Variants in SCFD2 observed in about 807,000 individuals in gnomAD.
SCFD2 encodes sec1 family domain-containing protein 2.
In SCFD2, 54 loss-of-function variants were observed where a neutral mutation model predicts 58.9. The ratio of observed to expected loss-of-function variants is 0.92; its 90% CI spans 0.74 to 1.15. The LOEUF is 1.15. Among genes scored for constraint, SCFD2 ranks in the 50% most tolerant of loss-of-function variants. The pLI is 0.00. For missense variants in SCFD2, 805 were observed against 836.6 expected (o/e 0.96, Z 0.47); for synonymous variants, 321 against 335.9 (o/e 0.96, Z 0.49).
intron 5 of SCFD2, among the ~76,000 whole-genome samples, chr4:52,974,750 C>T (rs1416159658): frequency 3.9e-5 from 6 of 152,010 alleles, no homozygotes; most frequent in Non-Finnish European, 8.8e-5. Flanking sequence ...GGAGGCATCA[C>T]ACTACCTGAC....
In SCFD2 at chr4:53,092,187, T is replaced by C. The variant is rs116344498; in HGVS notation, c.1561+53146A>G. 3.5e-3 allele frequency among the ~76,000 whole-genome samples: 540 copies of C among 152,304 alleles called. 1 individual carries two copies. Among genetic ancestry groups the C allele is most frequent in the African/African-American group, 0.013 (520 of 41,572 alleles). ...GGCCAAGCCTTGTGCTAGAAGCATA[T>C]ATACAGGACAAAATGACATAGTCTG... is the stretch of plus-strand genomic sequence containing the variant. On this transcript the variant is annotated intron_variant, in intron 5 of 8. Coordinates refer to ENST00000401642, the MANE Select transcript of SCFD2 (RefSeq NM_152540.4).
At chr4:53,164,804 A>AG (rs1553882341) in intron 4 of SCFD2, among the ~76,000 whole-genome samples, 51 of 143,918 alleles carry the variant, frequency 3.5e-4, no homozygotes, top group South Asian at 4.6e-4. Flanking sequence ...AAAAAAAAAA[A>AG]AAGAAGAAGA....
chr4:53,152,023 C>T (rs1726523110), intron 4 of SCFD2, among the ~76,000 whole-genome samples: 1 of 152,158 alleles, frequency 6.6e-6, no homozygotes, highest in Admixed American at 6.5e-5. Context: ...GAGGGATCTA[C>T]CCCCATAACC....
chr4:53,120,221 TAAAA>T (rs1223468108), intron 5 of SCFD2, among the ~76,000 whole-genome samples: 2 of 152,110 alleles, frequency 1.3e-5, no homozygotes, highest in African/African-American at 2.4e-5. Context: ...AAAACTAAAT[TAAAA>T]AAAGTTCTTA....
chr4:53,034,047 C>T (rs1363930987), intron 5 of SCFD2, among the ~76,000 whole-genome samples: 2 of 152,088 alleles, frequency 1.3e-5, no homozygotes, highest in Admixed American at 1.3e-4. Context: ...TGATGAACAT[C>T]GATGCGAAAA....
Position 53,366,032 on chromosome 4 carries a change from C to G in SCFD2, c.-91G>C. 1 of 1,405,070 alleles carries G rather than the reference C, an allele frequency of 7.1e-7. No homozygotes were observed. The highest frequency in any genetic ancestry group is 2.3e-5 in the Admixed American group (1 of 43,510). The allele number at this position is 1,405,070 out of a possible 1,614,324, so 87.0% of individuals were successfully genotyped here. On this transcript the variant is annotated 5_prime_UTR_variant, in exon 1 of 9. Transcript: ENST00000401642. ...GAAATTGGGCTCCGGGAGACTTTGA[C>G]AGTCTCCACAGTACACGTGGTCGGC...
chr4:53,112,418 G>T (rs1725198369), intron 5 of SCFD2, among the ~76,000 whole-genome samples: 1 of 152,012 alleles, frequency 6.6e-6, no homozygotes, highest in Admixed American at 6.6e-5. Context: ...ACTCAACTGG[G>T]ATTTACTGTA....
At chr4:53,178,600 C>A (rs999590895) in intron 4 of SCFD2, among the ~76,000 whole-genome samples, 3 of 152,198 alleles carry the variant, frequency 2.0e-5, no homozygotes, top group Admixed American at 6.5e-5. Flanking sequence ...GCCTATCCTC[C>A]TCCAAAGGAA....
At chr4:53,159,789 A>G (rs1726798908) in intron 4 of SCFD2, among the ~76,000 whole-genome samples, 1 of 152,182 alleles carries the variant, frequency 6.6e-6, no homozygotes, top group African/African-American at 2.4e-5. Flanking sequence ...CAGAAGCCCT[A>G]GTGACAGCTG....
intron 3 of SCFD2, among the ~76,000 whole-genome samples, chr4:53,280,664 G>A (rs900358246): frequency 6.6e-6 from 1 of 152,148 alleles, no homozygotes; most frequent in African/African-American, 2.4e-5. Flanking sequence ...AAAATCCAGT[G>A]TGTAGAATTT....
intron 2 of SCFD2, among the ~76,000 whole-genome samples, chr4:53,344,004 C>A (rs1448994567): frequency 6.6e-6 from 1 of 152,130 alleles, no homozygotes; most frequent in Non-Finnish European, 1.5e-5. Flanking sequence ...ACTGAATGGA[C>A]AAAAACTGGA....
intron 4 of SCFD2, among the ~76,000 whole-genome samples, chr4:53,246,463 TAAC>T (rs1286322700): frequency 6.6e-6 from 1 of 152,170 alleles, no homozygotes; most frequent in African/African-American, 2.4e-5. Context: ...AAGGCTACAG[TAAC>T]CAAAACAGCA....
chr4:52,896,005 G>T (rs1349246714), intron 7 of SCFD2, among the ~76,000 whole-genome samples: 2 of 152,032 alleles, frequency 1.3e-5, no homozygotes, highest in Non-Finnish European at 2.9e-5. Flanking sequence ...TTTTTGATGG[G>T]GTTGTTTGTT....
intron 5 of SCFD2, among the ~76,000 whole-genome samples, chr4:53,122,535 G>C (rs1182618443): frequency 2.0e-5 from 3 of 152,142 alleles, no homozygotes; most frequent in East Asian, 1.9e-4. Flanking sequence ...TAAACAAAGA[G>C]AAATAAGCAG....
At chr4:53,226,268 T>C (rs1198526538) in intron 4 of SCFD2, among the ~76,000 whole-genome samples, 1 of 152,192 alleles carries the variant, frequency 6.6e-6, no homozygotes, top group Non-Finnish European at 1.5e-5. Flanking sequence ...CTAAACTATC[T>C]TGCAGCAATA....
chr4:53,206,765 A>G (rs1464353067), intron 4 of SCFD2, among the ~76,000 whole-genome samples: 3 of 152,106 alleles, frequency 2.0e-5, no homozygotes, highest in African/African-American at 7.3e-5. Flanking sequence ...TCAATTCTGA[A>G]CAGTCATTTT....
chr4:53,253,706 C>A (rs1730487005), intron 4 of SCFD2, among the ~76,000 whole-genome samples: 2 of 122,742 alleles, frequency 1.6e-5, no homozygotes, highest in African/African-American at 6.4e-5. Flanking sequence ...ACATGGACAC[C>A]AGAAGGGGAA....
chr4:53,254,715 T>G (rs982303693), intron 4 of SCFD2, among the ~76,000 whole-genome samples: 2 of 151,872 alleles, frequency 1.3e-5, no homozygotes, highest in Non-Finnish European at 2.9e-5. Context: ...TGGCACTATC[T>G]ACTACTGTAG....
At chr4:52,976,035 AG>A (rs1721253224) in intron 5 of SCFD2, among the ~76,000 whole-genome samples, 1 of 65,746 alleles carries the variant, frequency 1.5e-5, no homozygotes, top group Non-Finnish European at 2.8e-5. Context: ...GGGTGGGGGG[AG>A]GGGGGAGGGA....
Sources: allele counts gnomAD v4.1 joint callset (sites outside exome capture counted in the v4.1 genomes callset), GRCh38; gene constraint gnomAD v4.1.1; transcripts MANE v1.5; gene names NCBI Gene and HGNC (gene_info 2026-07-23, HGNC 2026-07-21).